Variants in CELA1 observed in about 807,000 individuals in gnomAD.
CELA1 encodes the protein chymotrypsin-like elastase family member 1.
A neutral mutation model predicts 34.8 loss-of-function variants in CELA1; 28 were observed. The observed-to-expected ratio is 0.80, with a 90% CI of 0.60 to 1.10. The LOEUF is 1.10. Ranked by LOEUF, CELA1 falls within the 50% of genes least tolerant of loss-of-function variation. The pLI, the probability that CELA1 is intolerant of heterozygous loss-of-function variation, is 0.00. For synonymous variants in CELA1, 140 were observed against 129.8 expected, an observed-to-expected ratio of 1.08 and a Z score of -0.53; for missense variants, 288 against 327.5, an observed-to-expected ratio of 0.88 and a Z score of 0.93.
In CELA1 at chr12:51,342,580, A is replaced by G; in HGVS notation, c.321T>C (p.Ala107=). The G allele has an allele frequency of 6.2e-7, 1 of 1,614,178 alleles. No individual in the cohort carries two copies. The highest frequency in any genetic ancestry group is 8.5e-7 in the Non-Finnish European group (1 of 1,180,028). The change falls in exon 4 of 8, where the codon GCT becomes GCC. Residue 107 remains alanine, a synonymous_variant. Coordinates refer to ENST00000293636, the MANE Select transcript of CELA1 (RefSeq NM_001971.6). The part of the protein sequence containing the change: ...VHPYWNSDNV[A]AGYDIALLRL... ...CAGCTTGGACTTGCTCCTACCCGGC[A>G]GCCACGTTATCGCTGTTCCAGTATG...
intron 1 of CELA1, 25 bp downstream of exon 1, chr12:51,346,598 T>G: frequency 8.6e-7 from 1 of 1,159,610 alleles, no homozygotes; most frequent in African/African-American, 1.8e-5. Flanking sequence ...AGGACCAGGG[T>G]TGCGACTGGA....
In CELA1 at chr12:51,342,585, C is replaced by G; in HGVS notation, c.316G>C (p.Val106Leu). The change falls in exon 4 of 8, where the codon GTG becomes CTG. Residue 106 changes from valine to leucine, a missense_variant. Physicochemically the swap from Val to Leu is conservative, Grantham distance 32. Transcript: ENST00000293636. ...TGGACTTGCTCCTACCCGGCAGCCA[C>G]GTTATCGCTGTTCCAGTATGGATGC... The part of the protein sequence containing the change: ...VVHPYWNSDN[V>L]AAGYDIALLR... The G allele has an allele frequency of 6.2e-7, 1 of 1,614,154 alleles. No homozygotes were observed.
At chr12:51,332,427 G>A (rs1946475567) in intron 6 of CELA1, among the ~76,000 whole-genome samples, 1 of 152,056 alleles carries the variant, frequency 6.6e-6, no homozygotes, top group Non-Finnish European at 1.5e-5. Flanking sequence ...AGCAGTGTAA[G>A]TATATAATTT....
chr12:51,346,526 T>C, intron 1 of CELA1, 97 bp downstream of exon 1: 1 of 1,220,724 alleles, frequency 8.2e-7, no homozygotes, highest in South Asian at 1.3e-5. Flanking sequence ...GAAAATTTGC[T>C]GACCTTCCTG....
rs1172746203 is a variant in CELA1 at position 51,329,727 on chromosome 12, G to A, written c.716C>T (p.Thr239Ile). 3.7e-6 allele frequency: 6 copies of A among 1,613,962 alleles called. No homozygotes were observed. Among genetic ancestry groups the A allele is most frequent in the Admixed American group, 3.3e-5 (2 of 59,956 alleles). The stretch of plus-strand genomic sequence containing the variant: ...GTAAGCAGAGACCTGGGTGAAGACT[G>A]TAGGCTTCCTGGAGACATTACAGCC... ...SRGCNVSRKP[T>I]VFTQVSAYIS... The change falls in exon 7 of 8, where the codon ACA (threonine) becomes ATA (isoleucine). Residue 239 changes from threonine to isoleucine, a missense_variant. Transcript: ENST00000293636.
At position 51,329,755 on chromosome 12, in the gene CELA1, G is replaced by C; in HGVS notation, c.688C>G (p.Arg230Gly). 6.2e-7 allele frequency: 1 copy of C among 1,613,986 alleles called. No individual in the cohort carries two copies. Among genetic ancestry groups the C allele is most frequent in the Non-Finnish European group, 8.5e-7 (1 of 1,179,976 alleles). Residue 230 changes from arginine to glycine, a missense_variant, in exon 7 of 8, where the codon CGG (arginine) becomes GGG (glycine). By Grantham distance (125) the Arg-to-Gly change is moderately radical. Transcript: ENST00000293636. ...GGCTTCCTGGAGACATTACAGCCCC[G>C]GCTGGACACAAAGCTGGTCACTCCA... ...VHGVTSFVSSRGCNVSRKPTV... is the reference protein window; with the variant it reads ...VHGVTSFVSSGGCNVSRKPTV...
chr12:51,341,410 T>C (rs755334858), intron 4 of CELA1, 30 bp from the exon 5 acceptor site: 36 of 1,613,154 alleles, frequency 2.2e-5, no homozygotes, highest in Non-Finnish European at 2.9e-5. Context: ...TGCTCACTCA[T>C]GGGATCAGCT....
At chr12:51,342,500 A>C in intron 4 of CELA1, 75 bp downstream of exon 4, 1 of 1,604,398 alleles carries the variant, frequency 6.2e-7, no homozygotes, top group Non-Finnish European at 8.5e-7. Flanking sequence ...CTCTGAAAGA[A>C]CAGGTGAAGG....
intron 7 of CELA1, 89 bp from the exon 8 acceptor site, chr12:51,328,683 G>A (rs369786328): frequency 3.4e-5 from 50 of 1,465,634 alleles, no homozygotes; most frequent in Non-Finnish European, 4.4e-5. Flanking sequence ...GTATGGTTTT[G>A]TACTGGGTTT....
At chr12:51,328,615 T>A in intron 7 of CELA1, 21 bp from the exon 8 acceptor site, 1 of 1,612,068 alleles carries the variant, frequency 6.2e-7, no homozygotes, top group Non-Finnish European at 8.5e-7. Context: ...GACAGTTATG[T>A]CCACAGTCAG....
intron 2 of CELA1, among the ~76,000 whole-genome samples, chr12:51,344,273 G>A (rs1946553844): frequency 6.6e-6 from 1 of 152,228 alleles, no homozygotes; most frequent in Non-Finnish European, 1.5e-5. Context: ...GATGTTTGCT[G>A]TGTACATGGA....
chr12:51,345,393 C>T (rs1055856114), intron 2 of CELA1, among the ~76,000 whole-genome samples: 17 of 150,724 alleles, frequency 1.1e-4, no homozygotes, highest in African/African-American at 3.4e-4. Flanking sequence ...GCATGCTGTA[C>T]GTGTGTGTGT....
At chr12:51,331,883 G>A (rs1946472016) in intron 6 of CELA1, among the ~76,000 whole-genome samples, 1 of 152,080 alleles carries the variant, frequency 6.6e-6, no homozygotes, top group East Asian at 1.9e-4. Flanking sequence ...AATTGAAAAA[G>A]TTGTGCAGCA....
chr12:51,339,199 A>G (rs1030592596), intron 6 of CELA1, among the ~76,000 whole-genome samples: 2 of 152,150 alleles, frequency 1.3e-5, no homozygotes, highest in African/African-American at 4.8e-5. Context: ...GGTACTGCTT[A>G]TACAGCATCA....
intron 4 of CELA1, 118 bp downstream of exon 4, chr12:51,342,457 G>T: frequency 7.0e-7 from 1 of 1,436,596 alleles, no homozygotes; most frequent in South Asian, 1.3e-5. Flanking sequence ...AGGAGCCACG[G>T]ACCAGGTTTC....
At position 51,341,311 on chromosome 12, in the gene CELA1, C is replaced by T. The variant is rs1301745752; in HGVS notation, c.396G>A (p.Leu132=). ...TAGCCAGGATGGCTCCCTCCTGGGG[C>T]AGAACACCCAGCTGGACATAGCTAT... is the stretch of plus-strand genomic sequence containing the variant. ...TLNSYVQLGV[L]PQEGAILANN... Residue 132 remains leucine, a synonymous_variant, in exon 5 of 8, where the codon CTG becomes CTA. Coordinates refer to ENST00000293636, the MANE Select transcript of CELA1 (RefSeq NM_001971.6). The T allele has an allele frequency of 7.4e-6, 12 of 1,614,156 alleles. No homozygotes were observed. In the African/African-American group the frequency reaches 1.5e-4, roughly 20 times the overall value.
intron 5 of CELA1, 84 bp downstream of exon 5, chr12:51,341,160 T>C: frequency 6.8e-7 from 1 of 1,479,670 alleles, no homozygotes; most frequent in Non-Finnish European, 9.4e-7. Flanking sequence ...CATAAGCACC[T>C]AGGACCACAG....
chr12:51,344,012 T>G (rs1183520619), intron 2 of CELA1, among the ~76,000 whole-genome samples, 159 bp from the exon 3 acceptor site: 1 of 152,168 alleles, frequency 6.6e-6, no homozygotes, highest in Non-Finnish European at 1.5e-5. Flanking sequence ...CTGGGCAACA[T>G]AGTGAGACCT....
chr12:51,338,296 ACG>A (rs1946512945), intron 6 of CELA1, among the ~76,000 whole-genome samples: 1 of 40,596 alleles, frequency 2.5e-5, no homozygotes, highest in African/African-American at 6.4e-5. Context: ...ACATACACAT[ACG>A]CATACATATA....
Sources: allele counts gnomAD v4.1 joint callset (sites outside exome capture counted in the v4.1 genomes callset), GRCh38; gene constraint gnomAD v4.1.1; transcripts MANE v1.5; gene names NCBI Gene and HGNC (gene_info 2026-07-23, HGNC 2026-07-21).